The following CSNK2A2 variants were observed in gnomAD, a reference collection of about 807,000 sequenced individuals.
CSNK2A2 encodes the protein casein kinase II subunit alpha'.
Under a neutral mutation model 54.0 loss-of-function variants are expected in CSNK2A2, and 8 were observed. The ratio of observed to expected loss-of-function variants is 0.15; its 90% CI spans 0.09 to 0.27. CSNK2A2 has a LOEUF of 0.27. CSNK2A2 is among the 10% of genes least tolerant of loss of function. CSNK2A2 has a pLI of 1.00. For synonymous variants in CSNK2A2, 141 were observed against 153.9 expected, an observed-to-expected ratio of 0.92 and a Z score of 0.62; for missense variants, 242 against 439.4, an observed-to-expected ratio of 0.55 and a Z score of 4.02.
At chr16:58,163,981 T>C (rs1961484169) in intron 11 of CSNK2A2, 73 bp downstream of exon 11, 1 of 1,160,324 alleles carries the variant, frequency 8.6e-7, no homozygotes, top group African/African-American at 1.5e-5. Flanking sequence ...TTTCTTTTTA[T>C]CACACTGTAG....
intron 2 of CSNK2A2, among the ~76,000 whole-genome samples, chr16:58,188,048 G>A (rs1027695820): frequency 3.3e-5 from 5 of 152,142 alleles, no homozygotes; most frequent in African/African-American, 1.2e-4. Context: ...GTGGGGAAGG[G>A]GAGGGGAGGG....
chr16:58,182,171 G>GA (rs71740076), intron 4 of CSNK2A2, among the ~76,000 whole-genome samples: 10,679 of 151,880 alleles, frequency 0.07, 477 homozygotes, highest in South Asian at 0.21. Context: ...ATTTCTCTAA[G>GA]AATTAGAATT....
At chr16:58,187,453 A>T (rs2142443380) in intron 2 of CSNK2A2, among the ~76,000 whole-genome samples, 1 of 152,344 alleles carries the variant, frequency 6.6e-6, no homozygotes, top group Non-Finnish European at 1.5e-5. Flanking sequence ...AGAAATGTTG[A>T]ATCAGGAAAG....
intron 4 of CSNK2A2, among the ~76,000 whole-genome samples, chr16:58,178,145 A>G (rs748867276): frequency 3.3e-5 from 5 of 152,192 alleles, no homozygotes; most frequent in East Asian, 3.8e-4. Flanking sequence ...ATTTACCTCT[A>G]TGTGAGTGAT....
intron 5 of CSNK2A2, among the ~76,000 whole-genome samples, chr16:58,171,068 T>C (rs1345701443): frequency 6.6e-6 from 1 of 152,084 alleles, no homozygotes; most frequent in African/African-American, 2.4e-5. Flanking sequence ...GGGGACAAGC[T>C]TGACCTGGAT....
At chr16:58,168,795 C>G in intron 5 of CSNK2A2, 102 bp from the exon 6 acceptor site, 3 of 864,586 alleles carry the variant, frequency 3.5e-6, no homozygotes, top group Non-Finnish European at 5.5e-6. Context: ...GAATACAGTC[C>G]CCCAACGGGC....
At chr16:58,184,345 C>A in intron 3 of CSNK2A2, 35 bp from the exon 4 acceptor site, 1 of 1,474,574 alleles carries the variant, frequency 6.8e-7, no homozygotes, top group Admixed American at 1.8e-5. Context: ...TTTAAGTACC[C>A]AAACAATAAT....
intron 5 of CSNK2A2, among the ~76,000 whole-genome samples, chr16:58,173,046 T>C (rs1473286687): frequency 1.3e-5 from 2 of 152,202 alleles, no homozygotes; most frequent in African/African-American, 4.8e-5. Context: ...ATCTGAATTG[T>C]AGCTCTCATG....
At chr16:58,169,268 A>G (rs897915498) in intron 5 of CSNK2A2, among the ~76,000 whole-genome samples, 1 of 150,956 alleles carries the variant, frequency 6.6e-6, no homozygotes, top group Non-Finnish European at 1.5e-5. Flanking sequence ...GGCCAGGCAC[A>G]GTGACTCATG....
chr16:58,169,601 AG>A (rs1384659797), intron 5 of CSNK2A2, among the ~76,000 whole-genome samples: 9 of 152,286 alleles, frequency 5.9e-5, no homozygotes, highest in Admixed American at 4.6e-4. Flanking sequence ...AATGGTTCAA[AG>A]GACAGACCAG....
intron 5 of CSNK2A2, 121 bp from the exon 6 acceptor site, chr16:58,168,814 G>T (rs1405098003): frequency 1.1e-5 from 8 of 719,928 alleles, no homozygotes; most frequent in African/African-American, 1.8e-5. Flanking sequence ...GCAGCTTGCT[G>T]CCTGTAATGA....
At chr16:58,189,431 C>T (rs768843586) in intron 2 of CSNK2A2, among the ~76,000 whole-genome samples, 2 of 152,002 alleles carry the variant, frequency 1.3e-5, no homozygotes, top group African/African-American at 4.8e-5. Flanking sequence ...CACCAAAAAC[C>T]CTCTTCTAAT....
intron 10 of CSNK2A2, among the ~76,000 whole-genome samples, chr16:58,164,628 T>G (rs1961508027): frequency 6.6e-6 from 1 of 152,196 alleles, no homozygotes; most frequent in South Asian, 2.1e-4. Flanking sequence ...ATTAATGACA[T>G]GTCATAAACA....
At chr16:58,164,227 C>T (rs1961494004) in intron 10 of CSNK2A2, 80 bp from the exon 11 acceptor site, 8 of 1,337,870 alleles carry the variant, frequency 6.0e-6, no homozygotes, top group Admixed American at 3.5e-5. Context: ...ACCCTTTCAA[C>T]GGAAAGAGAG....
chr16:58,192,992 A>G (rs900664856), intron 2 of CSNK2A2: 1 of 152,258 alleles, frequency 6.6e-6, no homozygotes, highest in South Asian at 2.1e-4. Context: ...TCCCCAGTAC[A>G]ATGCTGGAAA....
intron 2 of CSNK2A2, among the ~76,000 whole-genome samples, chr16:58,195,296 A>G (rs1962410286): frequency 6.6e-6 from 1 of 152,118 alleles, no homozygotes; most frequent in Non-Finnish European, 1.5e-5. Context: ...AGTGTGTCTG[A>G]GAACACAAAT....
chr16:58,176,480 C>T (rs967657853), intron 4 of CSNK2A2, among the ~76,000 whole-genome samples: 1 of 152,224 alleles, frequency 6.6e-6, no homozygotes, highest in Non-Finnish European at 1.5e-5. Flanking sequence ...CCTCACTTCT[C>T]AGGATCTCCG....
At chr16:58,184,343 C>T in intron 3 of CSNK2A2, 33 bp from the exon 4 acceptor site, 1 of 1,482,846 alleles carries the variant, frequency 6.7e-7, no homozygotes. Flanking sequence ...TTTTTAAGTA[C>T]CCAAACAATA....
At chr16:58,182,913 A>C (rs1374561511) in intron 4 of CSNK2A2, among the ~76,000 whole-genome samples, 1 of 152,236 alleles carries the variant, frequency 6.6e-6, no homozygotes, top group Non-Finnish European at 1.5e-5. Flanking sequence ...TGCTAATTTC[A>C]CCTGTAAGGA....
Sources: allele counts gnomAD v4.1 joint callset (sites outside exome capture counted in the v4.1 genomes callset), GRCh38; gene constraint gnomAD v4.1.1; transcripts MANE v1.5; gene names NCBI Gene and HGNC (gene_info 2026-07-23, HGNC 2026-07-21).